THEMIS: variants seen among roughly 807,000 people sequenced by gnomAD.
THEMIS encodes the protein protein THEMIS.
THEMIS carries 37 observed loss-of-function variants against 52.6 expected under a neutral mutation model. The observed-to-expected ratio is 0.70, with a 90% CI of 0.54 to 0.93. The LOEUF (loss-of-function observed/expected upper bound fraction) is 0.93, where lower values mean the gene tolerates loss of function less well. THEMIS is among the 40% of genes least tolerant of loss of function. THEMIS has a pLI of 0.00. For synonymous variants in THEMIS, 292 were observed against 272.7 expected, an observed-to-expected ratio of 1.07 and a Z score of -0.70; for missense variants, 808 against 763.1, an observed-to-expected ratio of 1.06 and a Z score of -0.69.
Position 127,825,630 on chromosome 6 carries a change from G to A in THEMIS, c.709+3846C>T, listed in dbSNP as rs569302493. Among the ~76,000 whole-genome samples, 4 of 152,266 alleles carry A rather than the reference G, an allele frequency of 2.6e-5. No homozygotes were observed. The South Asian group carries it at 6.2e-4, about 24-fold the overall frequency. The stretch of plus-strand genomic sequence containing the variant: ...AGTCAACACAGACACAAGTCAACAG[G>A]GAATCACCAGGATTATTTTAAATGG... On this transcript the variant is annotated intron_variant, in intron 3 of 5. Coordinates refer to ENST00000368248, the MANE Select transcript of THEMIS (RefSeq NM_001010923.3).
chr6:127,765,508 A>C (rs1425736254), intron 4 of THEMIS, among the ~76,000 whole-genome samples: 1 of 152,122 alleles, frequency 6.6e-6, no homozygotes, highest in African/African-American at 2.4e-5. Flanking sequence ...AATGAAAAGA[A>C]ATTTGTAATG....
intron 4 of THEMIS, among the ~76,000 whole-genome samples, chr6:127,754,795 AG>A (rs917850040): frequency 4.3e-4 from 66 of 152,092 alleles, no homozygotes; most frequent in African/African-American, 1.5e-3. Flanking sequence ...TGGGGACAGC[AG>A]TGGAGACAAT....
chr6:127,874,191 A>G (rs1037363217), intron 1 of THEMIS, among the ~76,000 whole-genome samples: 7 of 152,230 alleles, frequency 4.6e-5, no homozygotes, highest in Admixed American at 1.3e-4. Flanking sequence ...TTAGTGTAAC[A>G]GGGTGTTTTA....
At chr6:127,879,172 C>T (rs950162507) in intron 1 of THEMIS, among the ~76,000 whole-genome samples, 10 of 152,234 alleles carry the variant, frequency 6.6e-5, no homozygotes, top group South Asian at 2.1e-4. Context: ...ATGAAAATTT[C>T]GGTGTTCTAA....
At chr6:127,835,022 A>G (rs556376528) in intron 2 of THEMIS, among the ~76,000 whole-genome samples, 1 of 152,052 alleles carries the variant, frequency 6.6e-6, no homozygotes, top group Non-Finnish European at 1.5e-5. Context: ...AGAAATTGTT[A>G]TTTTCATAAC....
At chr6:127,808,003 G>A (rs1777776738) in intron 4 of THEMIS, among the ~76,000 whole-genome samples, 1 of 152,000 alleles carries the variant, frequency 6.6e-6, no homozygotes, top group Non-Finnish European at 1.5e-5. Context: ...ATTTTTTTCT[G>A]CTCATTTCAC....
intron 3 of THEMIS, among the ~76,000 whole-genome samples, chr6:127,828,677 G>A (rs1191869671): frequency 6.6e-6 from 1 of 152,174 alleles, no homozygotes; most frequent in Non-Finnish European, 1.5e-5. Context: ...ACGCCGGGCC[G>A]GGCGCGATGG....
intron 4 of THEMIS, among the ~76,000 whole-genome samples, chr6:127,785,104 A>G (rs546265320): frequency 6.8e-6 from 1 of 146,364 alleles, no homozygotes; most frequent in African/African-American, 2.7e-5. Context: ...CCTGTCATCT[A>G]TCTACCTACC....
the THEMIS span, among the ~76,000 whole-genome samples, chr6:127,700,850 A>G: frequency 6.6e-6 from 1 of 152,006 alleles, no homozygotes. Context: ...TATATAAAAT[A>G]TTTATATGTG....
chr6:127,828,672 G>A (rs1394788312), intron 3 of THEMIS, among the ~76,000 whole-genome samples: 2 of 152,006 alleles, frequency 1.3e-5, no homozygotes, highest in African/African-American at 2.4e-5. Context: ...AAAACACGCC[G>A]GGCCGGGCGC....
chr6:127,717,405 T>A (rs181993049), intron 5 of THEMIS, among the ~76,000 whole-genome samples: 16 of 152,024 alleles, frequency 1.1e-4, no homozygotes, highest in South Asian at 2.1e-4. Context: ...AACTTTTTTT[T>A]AAGTAATTTA....
At chr6:127,710,605 A>G (rs1773942331) in intron 5 of THEMIS, among the ~76,000 whole-genome samples, 1 of 152,038 alleles carries the variant, frequency 6.6e-6, no homozygotes, top group Non-Finnish European at 1.5e-5. Context: ...CCTAGTTAAC[A>G]TGTACACATA....
rs753198700 is a variant in THEMIS, at chr6:127,813,154, G to A, written c.1487C>T (p.Ala496Val). 7.4e-6 allele frequency: 12 copies of A among 1,613,932 alleles called. No individual in the cohort carries two copies. The highest frequency in any genetic ancestry group is 1.3e-5 in the African/African-American group (1 of 74,884). The change falls in exon 4 of 6, where the codon GCC (alanine) becomes GTC (valine). Residue 496 changes from alanine (A) to valine (V), a missense_variant. Coordinates refer to ENST00000368248, the MANE Select transcript of THEMIS (RefSeq NM_001010923.3). ...AATTTCCCAGCACTCCGTGGGGTTGGCAAAGTCACTTATGAGTAGGTAAGA... is the reference window on the plus strand; with the variant it reads ...AATTTCCCAGCACTCCGTGGGGTTGACAAAGTCACTTATGAGTAGGTAAGA... ...TDSYLLISDF[A>V]NPTECWEIPV...
chr6:127,767,972 T>C (rs959354674), intron 4 of THEMIS, among the ~76,000 whole-genome samples: 2 of 152,190 alleles, frequency 1.3e-5, no homozygotes, highest in African/African-American at 4.8e-5. Flanking sequence ...AAAGTCCTTA[T>C]GGGGCATGTT....
chr6:127,874,884 C>T (rs905282684), intron 1 of THEMIS, among the ~76,000 whole-genome samples: 2 of 152,200 alleles, frequency 1.3e-5, no homozygotes, highest in African/African-American at 4.8e-5. Flanking sequence ...GGGTCTGCAA[C>T]CCCTGGGCCA....
In THEMIS at chr6:127,891,792, C is replaced by A. The variant is rs75270366; in HGVS notation, c.91+9050G>T. Among the ~76,000 whole-genome samples the A allele has an allele frequency of 1.7e-4, 26 of 152,178 alleles. No homozygotes were observed. The East Asian group carries it at 4.7e-3, about 27-fold the overall frequency. On this transcript the variant is annotated intron_variant, in intron 1 of 5. Coordinates refer to ENST00000368248, the MANE Select transcript of THEMIS (RefSeq NM_001010923.3). ...GTCTGCTGCTCAAACTGGTCATTGGCGTCTCATAAAACCCAAACTCCTTGA... is the reference window on the plus strand; with the variant it reads ...GTCTGCTGCTCAAACTGGTCATTGGAGTCTCATAAAACCCAAACTCCTTGA...
At chr6:127,835,257 C>T (rs1778838330) in intron 2 of THEMIS, among the ~76,000 whole-genome samples, 1 of 152,072 alleles carries the variant, frequency 6.6e-6, no homozygotes, top group Non-Finnish European at 1.5e-5. Context: ...TTCCCAGGCC[C>T]TAGGTGATTT....
chr6:127,731,694 CTTTT>C (rs34588130), intron 4 of THEMIS, among the ~76,000 whole-genome samples: 1 of 93,410 alleles, frequency 1.1e-5, no homozygotes, highest in Non-Finnish European at 2.1e-5. Flanking sequence ...TTTATTGCTA[CTTTT>C]TTTTTTTTTT....
At chr6:127,712,361 A>G (rs17054939) in intron 5 of THEMIS, among the ~76,000 whole-genome samples, 4,398 of 152,016 alleles carry the variant, frequency 0.029, 226 homozygotes, top group African/African-American at 0.1. Flanking sequence ...CTCTGGTGGC[A>G]AGCTCTAGTT....
Sources: allele counts gnomAD v4.1 joint callset (sites outside exome capture counted in the v4.1 genomes callset), GRCh38; gene constraint gnomAD v4.1.1; transcripts MANE v1.5; gene names NCBI Gene and HGNC (gene_info 2026-07-23, HGNC 2026-07-21).